Variants in LSM10 observed in about 807,000 individuals in gnomAD.
LSM10 encodes LSM10, U7 small nuclear RNA associated.
Under a neutral mutation model 5.2 loss-of-function variants are expected in LSM10, and 4 were observed. The observed-to-expected ratio is 0.77, with a 90% confidence interval of 0.38 to 1.77. The LOEUF (loss-of-function observed/expected upper bound fraction) is 1.77, where lower values mean the gene tolerates loss of function less well. Among genes scored for constraint, LSM10 ranks in the 40% most tolerant of loss-of-function variants. The pLI is 0.04. For synonymous variants in LSM10, 63 were observed against 67.4 expected (o/e 0.94, Z 0.32); for missense variants, 150 against 171.6 (o/e 0.87, Z 0.70).
At position 36,394,341 on chromosome 1, in the gene LSM10, C is replaced by G. The variant is rs560369440; in HGVS notation, c.-24-188G>C. Among the ~76,000 whole-genome samples the G allele has an allele frequency of 8.5e-5, 13 of 152,304 alleles. No homozygotes were observed. In the South Asian group the frequency reaches 2.5e-3, roughly 29 times the overall value. ...ACACCAACTTGCAAGCCAAGGATTA[C>G]TTATGCTCATTTTATGAATGAGAAA... On this transcript the variant is annotated intron_variant, in intron 1 of 1. Coordinates refer to ENST00000315732, the MANE Select transcript of LSM10 (RefSeq NM_032881.3).
Position 36,394,000 on chromosome 1 carries a change from C to G in LSM10, c.130G>C (p.Asp44His). ...RDESVAHGRI[D>H]NVDAFMNIRL... ...ATGTTCATGAAAGCATCGACATTGT[C>G]TATGCGTCCGTGGGCCACGCTCTCA... Residue 44 changes from aspartate to histidine, a missense_variant, in exon 2 of 2, where the codon GAC (aspartate) becomes CAC (histidine). Coordinates refer to ENST00000315732, the MANE Select transcript of LSM10 (RefSeq NM_032881.3). 6.2e-7 allele frequency: 1 copy of G among 1,614,252 alleles called. No homozygotes were observed. The highest frequency in any genetic ancestry group is 1.1e-5 in the South Asian group (1 of 91,086).
intron 1 of LSM10, among the ~76,000 whole-genome samples, chr1:36,395,316 C>G (rs760510735): frequency 6.6e-6 from 1 of 152,110 alleles, no homozygotes; most frequent in Non-Finnish European, 1.5e-5. Context: ...ATATGATTAT[C>G]TACATTGAGA....
intron 1 of LSM10, among the ~76,000 whole-genome samples, chr1:36,396,187 C>T (rs1036801877): frequency 7.4e-6 from 1 of 134,980 alleles, no homozygotes; most frequent in African/African-American, 2.8e-5. Flanking sequence ...TGGAGTGCCA[C>T]TGCACTCCAG....
intron 1 of LSM10, among the ~76,000 whole-genome samples, chr1:36,396,117 G>T (rs1424479900): frequency 7.4e-6 from 1 of 134,320 alleles, no homozygotes; most frequent in Admixed American, 7.2e-5. Flanking sequence ...CAGCTACTCG[G>T]GGGGCTGAGG....
chr1:36,395,754 G>T (rs975552053), intron 1 of LSM10, among the ~76,000 whole-genome samples: 3 of 150,134 alleles, frequency 2.0e-5, no homozygotes, highest in Admixed American at 2.0e-4. Context: ...CTCCAGCCTG[G>T]GTAACAGAGA....
At chr1:36,397,193 C>T (rs979762678) in intron 1 of LSM10, among the ~76,000 whole-genome samples, 2 of 152,220 alleles carry the variant, frequency 1.3e-5, no homozygotes, top group African/African-American at 4.8e-5. Context: ...AAGGTACTCT[C>T]CTTTGATTTC....
chr1:36,394,159 G>A lies in LSM10; in HGVS notation c.-24-6C>T. ...CCACACCAGCTGCCTGCTTGCTGTG[G>A]ACAGGAGCACACAGATGGCAGCTAT... On this transcript the variant is annotated splice_region_variant and splice_polypyrimidine_tract_variant and intron_variant, in intron 1 of 1. Transcript: ENST00000315732. The A allele has an allele frequency of 6.3e-7, 1 of 1,594,930 alleles. No homozygotes were observed.
chr1:36,393,539 G>T lies in LSM10; in HGVS notation c.*219C>A. 1 of 601,398 alleles carries T rather than the reference G, an allele frequency of 1.7e-6. No homozygotes were observed. Among genetic ancestry groups the T allele is most frequent in the Non-Finnish European group, 2.9e-6 (1 of 341,190 alleles). 37.3% of individuals were successfully genotyped at this position (601,398 alleles called of 1,614,324 possible). ...ATTCAGATCATCAAAAAGGGGGATT[G>T]TCACCTACCCCAAGGCCACATATAG... is the stretch of plus-strand genomic sequence containing the variant. On this transcript the variant is annotated 3_prime_UTR_variant, in exon 2 of 2. Transcript: ENST00000315732.
chr1:36,397,077 A>G (rs1647162208), intron 1 of LSM10, among the ~76,000 whole-genome samples: 1 of 152,060 alleles, frequency 6.6e-6, no homozygotes, highest in African/African-American at 2.4e-5. Context: ...TGGAATCCCC[A>G]CTCCACCCCT....
chr1:36,393,893 G>C lies in LSM10; in HGVS notation c.237C>G (p.Val79=), dbSNP rs756884837. ...CGTCATCTGGGATGTGGACGTAGCGGACATTGCGGCCTGTCACAAAGAGGT... is the reference window on the plus strand; with the variant it reads ...CGTCATCTGGGATGTGGACGTAGCGCACATTGCGGCCTGTCACAAAGAGGT... The part of the protein sequence containing the change: ...LDDLFVTGRN[V]RYVHIPDDVN... Residue 79 remains valine (V), a synonymous_variant, in exon 2 of 2, where the codon GTC becomes GTG. Coordinates refer to ENST00000315732, the MANE Select transcript of LSM10 (RefSeq NM_032881.3). 6.2e-7 allele frequency: 1 copy of C among 1,614,254 alleles called. No individual in the cohort carries two copies. Among genetic ancestry groups the C allele is most frequent in the South Asian group, 1.1e-5 (1 of 91,082 alleles).
At chr1:36,397,225 A>C (rs1647163070) in intron 1 of LSM10, among the ~76,000 whole-genome samples, 1 of 152,212 alleles carries the variant, frequency 6.6e-6, no homozygotes, top group African/African-American at 2.4e-5. Flanking sequence ...ATAATGTATT[A>C]GTGCACTATG....
rs779575645 is a variant in LSM10, at chr1:36,394,013, G to A, written c.117C>T (p.Ala39=). Reference sequence around the variant, plus strand: ...CATCGACATTGTCTATGCGTCCGTGGGCCACGCTCTCATCCCGCAGGTCCA... The same window carrying A: ...CATCGACATTGTCTATGCGTCCGTGAGCCACGCTCTCATCCCGCAGGTCCA... The part of the protein sequence containing the change: ...TTVDLRDESV[A]HGRIDNVDAF... The change falls in exon 2 of 2, where the codon GCC becomes GCT. Residue 39 remains alanine, a synonymous_variant. Coordinates refer to ENST00000315732, the MANE Select transcript of LSM10 (RefSeq NM_032881.3). The A allele has an allele frequency of 1.1e-5, 18 of 1,614,212 alleles. No homozygotes were observed. In the South Asian group the frequency reaches 2.0e-4, roughly 18 times the overall value.
In LSM10 at chr1:36,393,581, G is replaced by A. The variant is rs1647136813; in HGVS notation, c.*177C>T. The A allele has an allele frequency of 2.5e-6, 2 of 789,178 alleles. No individual in the cohort carries two copies. The highest frequency in any genetic ancestry group is 4.1e-6 in the Non-Finnish European group (2 of 491,312). The allele number at this position is 789,178 out of a possible 1,614,324, so 48.9% of individuals were successfully genotyped here. ...CACATATAGGATTCTGGGTCCCAGA[G>A]TGAGTCTGGGAGGTGGAACCCTGTG... On this transcript the variant is annotated 3_prime_UTR_variant, in exon 2 of 2. Coordinates refer to ENST00000315732, the MANE Select transcript of LSM10 (RefSeq NM_032881.3).
rs750818900 is a variant in LSM10 at position 36,394,102 on chromosome 1, G to C, written c.28C>G (p.Arg10Gly). 6.2e-7 allele frequency: 1 copy of C among 1,613,030 alleles called. No individual in the cohort carries two copies. The highest frequency in any genetic ancestry group is 8.5e-7 in the Non-Finnish European group (1 of 1,179,744). The change falls in exon 2 of 2, where the codon CGG becomes GGG. Residue 10 changes from arginine (R) to glycine (G), a missense_variant. Physicochemically the swap from Arg to Gly is moderately radical, Grantham distance 125. Coordinates refer to ENST00000315732, the MANE Select transcript of LSM10 (RefSeq NM_032881.3). ...ATCAGGCTGTTCTCAGAGATGGTCC[G>C]CTCCTTCACTGAATGGCTCACCGCC... MAVSHSVKE[R>G]TISENSLIIL...
chr1:36,396,845 G>A (rs1647161094), intron 1 of LSM10, among the ~76,000 whole-genome samples: 1 of 152,118 alleles, frequency 6.6e-6, no homozygotes, highest in African/African-American at 2.4e-5. Flanking sequence ...GGGCGCACCT[G>A]TAATCTCAGC....
chr1:36,393,817 G>A lies in LSM10; in HGVS notation c.313C>T (p.Arg105Ter), dbSNP rs781776455. ...CCTTGGCCCTTGCCACCAAAGTTTC[G>A]CACCCGATGGATAATCTGCAGCTGC... ...EQQLQIIHRV[R>*]NFGGKGQGRW... The change falls in exon 2 of 2, where the codon CGA becomes TGA. Residue 105 changes from arginine to a stop codon, truncating the protein, a stop_gained. Transcript: ENST00000315732. LOFTEE classifies it high-confidence loss of function. 1.9e-6 allele frequency: 3 copies of A among 1,614,180 alleles called. No homozygotes were observed. The highest frequency in any genetic ancestry group is 1.7e-5 in the Admixed American group (1 of 60,016).
intron 1 of LSM10, among the ~76,000 whole-genome samples, chr1:36,395,939 C>T (rs1038291153): frequency 6.6e-6 from 1 of 150,866 alleles, no homozygotes; most frequent in Non-Finnish European, 1.5e-5. Context: ...TAAAAGCTCC[C>T]GGCTGGGCGC....
intron 1 of LSM10, among the ~76,000 whole-genome samples, chr1:36,395,855 T>C (rs1263325788): frequency 6.6e-6 from 1 of 151,706 alleles, no homozygotes; most frequent in Non-Finnish European, 1.5e-5. Context: ...TCTGGTGAGT[T>C]TTTAACCCAA....
chr1:36,393,973 G>A lies in LSM10; in HGVS notation c.157C>T (p.Arg53Cys). 3.1e-6 allele frequency: 5 copies of A among 1,614,202 alleles called. No homozygotes were observed. Among genetic ancestry groups the A allele is most frequent in the South Asian group, 1.1e-5 (1 of 91,074 alleles). ...TCCGTGTAGGTGACTTTGGCCAGGC[G>A]GATGTTCATGAAAGCATCGACATTG... is the stretch of plus-strand genomic sequence containing the variant. ...IDNVDAFMNI[R>C]LAKVTYTDRW... Residue 53 changes from arginine (R) to cysteine (C), a missense_variant, in exon 2 of 2, where the codon CGC (arginine) becomes TGC (cysteine). By Grantham distance (180) the Arg-to-Cys change is radical. Coordinates refer to ENST00000315732, the MANE Select transcript of LSM10 (RefSeq NM_032881.3).
Sources: allele counts gnomAD v4.1 joint callset (sites outside exome capture counted in the v4.1 genomes callset), GRCh38; gene constraint gnomAD v4.1.1; transcripts MANE v1.5; gene names NCBI Gene and HGNC (gene_info 2026-07-23, HGNC 2026-07-21).